The following RBFOX1 variants were observed in gnomAD, a reference collection of about 807,000 sequenced individuals.
RBFOX1 encodes the protein RNA binding fox-1 homolog 1.
A neutral mutation model predicts 57.7 loss-of-function variants in RBFOX1; 8 were observed. That is an observed-to-expected ratio of 0.14 (90% CI 0.08 to 0.25). RBFOX1 has a LOEUF of 0.25. Ranked by LOEUF, RBFOX1 falls within the 10% of genes least tolerant of loss-of-function variation. The pLI, the probability that RBFOX1 is intolerant of heterozygous loss-of-function variation, is 1.00. For missense variants in RBFOX1, 611 were observed against 548.5 expected, an observed-to-expected ratio of 1.11 and a Z score of -1.14; for synonymous variants, 326 against 222.4, an observed-to-expected ratio of 1.47 and a Z score of -4.15.
intron 3 of RBFOX1, among the ~76,000 whole-genome samples, chr16:6,886,681 G>A (rs932289978): frequency 1.3e-5 from 2 of 151,606 alleles, no homozygotes; most frequent in Non-Finnish European, 2.9e-5. Context: ...CTTGAACCCA[G>A]CAGGCAGAGG....
At chr16:6,560,656 T>C (rs74613094) in intron 2 of RBFOX1, among the ~76,000 whole-genome samples, 3 of 152,084 alleles carry the variant, frequency 2.0e-5, no homozygotes, top group African/African-American at 7.2e-5. Context: ...TAAAATAGGG[T>C]CTTGACTTAC....
At chr16:6,077,027 A>T (rs184622500) in intron 1 of RBFOX1, among the ~76,000 whole-genome samples, 1 of 152,322 alleles carries the variant, frequency 6.6e-6, no homozygotes, top group East Asian at 1.9e-4. Flanking sequence ...GAGAGTGCAG[A>T]TGAAGCGCTC....
chr16:6,806,897 G>A (rs1170836640), intron 3 of RBFOX1, among the ~76,000 whole-genome samples: 1 of 132,170 alleles, frequency 7.6e-6, no homozygotes, highest in South Asian at 2.3e-4. Context: ...GCAATAGCAT[G>A]ATCTCAGCTC....
intron 1 of RBFOX1, among the ~76,000 whole-genome samples, chr16:6,051,174 T>C (rs2095548288): frequency 6.6e-6 from 1 of 151,598 alleles, no homozygotes; most frequent in African/African-American, 2.4e-5. Flanking sequence ...CTAAGGGTAT[T>C]TCAGGATCAT....
rs576618281 is a variant in RBFOX1 at position 5,957,828 on chromosome 16, A to G, written c.351+90493A>G. On this transcript the variant is annotated intron_variant, in intron 4 of 19. Coordinates refer to the RBFOX1 transcript ENST00000641259. ...TTTGTGTTACAAACAATCCACTTAT[A>G]CTCTTTTAGTTATTTGGAAATGTAC... Among the ~76,000 whole-genome samples the G allele has an allele frequency of 1.5e-4, 23 of 151,754 alleles. No individual in the cohort carries two copies. The South Asian group carries it at 4.8e-3, about 32-fold the overall frequency.
chr16:5,441,822 A>G (rs537429954), intron 1 of RBFOX1, among the ~76,000 whole-genome samples: 172 of 152,272 alleles, frequency 1.1e-3, no homozygotes, highest in African/African-American at 4.0e-3. Context: ...TTATAAAACC[A>G]TCAGATTTCA....
rs117955552 is a variant in RBFOX1 at position 6,497,564 on chromosome 16, A to T, written c.-63-157039A>T. ...TTACACCGATTTTTGAAGTTTTTAA[A>T]AAAAAAAAAAAAACAGAGTTTTGCT... On this transcript the variant is annotated intron_variant, in intron 2 of 15. Transcript: ENST00000550418. 0.012 allele frequency among the ~76,000 whole-genome samples: 928 copies of T among 75,394 alleles called. 26 individuals are homozygous for T. The East Asian group carries it at 0.19, about 16-fold the overall frequency. 49.5% of individuals were successfully genotyped at this position (75,394 alleles called of 152,430 possible).
At chr16:6,754,401 G>A (rs919784952) in intron 3 of RBFOX1, among the ~76,000 whole-genome samples, 1 of 152,158 alleles carries the variant, frequency 6.6e-6, no homozygotes, top group Non-Finnish European at 1.5e-5. Context: ...AAGTCATCTT[G>A]GGAATTATAT....
intron 2 of RBFOX1, among the ~76,000 whole-genome samples, chr16:6,427,462 C>T (rs151034036): frequency 1.3e-5 from 2 of 152,058 alleles, no homozygotes; most frequent in East Asian, 1.9e-4. Context: ...ATGAAAGTGC[C>T]GGTGAGAATT....
At chr16:6,185,675 G>A (rs963848191) in intron 1 of RBFOX1, among the ~76,000 whole-genome samples, 1 of 152,210 alleles carries the variant, frequency 6.6e-6, no homozygotes, top group Admixed American at 6.5e-5. Flanking sequence ...CTATACACTT[G>A]TGGGTCTAAA....
intron 4 of RBFOX1, among the ~76,000 whole-genome samples, chr16:7,238,102 C>A (rs141621463): frequency 2.6e-5 from 4 of 152,178 alleles, no homozygotes; most frequent in African/African-American, 9.7e-5. Flanking sequence ...ACAAATATTG[C>A]ATGATTCCAC....
At chr16:6,032,616 A>G (rs923020794) in intron 1 of RBFOX1, among the ~76,000 whole-genome samples, 4 of 152,218 alleles carry the variant, frequency 2.6e-5, no homozygotes, top group Non-Finnish European at 5.9e-5. Flanking sequence ...CTTGTCTTAA[A>G]AAAAGTTTAT....
intron 10 of RBFOX1, among the ~76,000 whole-genome samples, chr16:7,616,888 G>C (rs949967361): frequency 6.6e-6 from 1 of 151,974 alleles, no homozygotes; most frequent in Non-Finnish European, 1.5e-5. Flanking sequence ...TATCTCCCAG[G>C]AGCTGGCCAA....
chr16:5,833,058 C>G (rs2056333841), intron 3 of RBFOX1, among the ~76,000 whole-genome samples: 1 of 152,082 alleles, frequency 6.6e-6, no homozygotes, highest in African/African-American at 2.4e-5. Context: ...TTCAGGGTGT[C>G]CACAGATTTC....
At chr16:7,477,399 C>T (rs1322793273) in intron 4 of RBFOX1, among the ~76,000 whole-genome samples, 1 of 152,158 alleles carries the variant, frequency 6.6e-6, no homozygotes, top group East Asian at 1.9e-4. Flanking sequence ...AGAGGGTTTA[C>T]CCGTGGGGGG....
intron 2 of RBFOX1, among the ~76,000 whole-genome samples, chr16:5,534,322 T>C (rs911323008): frequency 1.3e-5 from 2 of 152,150 alleles, no homozygotes; most frequent in African/African-American, 4.8e-5. Context: ...TTAAGGAGAA[T>C]TGACTCATAC....
At chr16:7,159,118 T>G (rs1368066852) in intron 4 of RBFOX1, among the ~76,000 whole-genome samples, 1 of 152,136 alleles carries the variant, frequency 6.6e-6, no homozygotes, top group African/African-American at 2.4e-5. Flanking sequence ...TCATACAGGA[T>G]GTAACCTTTG....
chr16:5,807,831 G>C (rs998915483), intron 3 of RBFOX1, among the ~76,000 whole-genome samples: 3 of 152,178 alleles, frequency 2.0e-5, no homozygotes, highest in African/African-American at 7.2e-5. Context: ...CAGCTCCCAG[G>C]TGATGCCCAC....
intron 1 of RBFOX1, among the ~76,000 whole-genome samples, chr16:5,455,007 CTTTCTTTCTT>C: frequency 1.8e-5 from 2 of 109,410 alleles, no homozygotes; most frequent in African/African-American, 6.5e-5. Flanking sequence ...TTCTTTCTTT[CTTTCTTTCTT>C]TCTTTCTCTC....
Sources: gnomAD v4.1 joint callset for allele counts (sites outside exome capture counted in the v4.1 genomes callset) on GRCh38, gnomAD v4.1.1 for gene constraint, MANE v1.5 for transcripts, NCBI Gene and HGNC (gene_info 2026-07-23, HGNC 2026-07-21) for gene names.